The following SMURF2 variants were observed in gnomAD, a reference collection of about 807,000 sequenced individuals.
The protein encoded by SMURF2 is SMAD specific E3 ubiquitin protein ligase 2, also known as E3 ubiquitin-protein ligase SMURF2.
A neutral mutation model predicts 109.6 loss-of-function variants in SMURF2; 48 were observed. That is an observed-to-expected ratio of 0.44 (90% CI 0.35 to 0.56). The LOEUF (loss-of-function observed/expected upper bound fraction) is 0.56, where lower values mean the gene tolerates loss of function less well. Among genes scored for constraint, SMURF2 ranks in the 20% least tolerant of loss-of-function variants. SMURF2 has a pLI of 0.01. For synonymous variants in SMURF2, 288 were observed against 317.1 expected (o/e 0.91, Z 0.97); for missense variants, 575 against 909.0 (o/e 0.63, Z 4.72).
At chr17:64,621,367 G>GT (rs1555690581) in intron 1 of SMURF2, among the ~76,000 whole-genome samples, 2 of 151,038 alleles carry the variant, frequency 1.3e-5, no homozygotes. Context: ...ATCACCTGAG[G>GT]TCAGGAGTTT....
Position 64,586,218 on chromosome 17 carries a change from C to T in SMURF2, c.401-48G>A, listed in dbSNP as rs148899215. 9,791 of 1,219,468 alleles carry T rather than the reference C, an allele frequency of 8.0e-3. 105 individuals are homozygous for T. Among genetic ancestry groups the T allele is most frequent in the Middle Eastern group, 0.018 (64 of 3,508 alleles). The allele number at this position is 1,219,468 out of a possible 1,614,324, so 75.5% of individuals were successfully genotyped here. A position where few individuals can be genotyped will look rare whatever the true frequency, so the allele number is the denominator to read the frequency against. On this transcript the variant is annotated intron_variant, in intron 5 of 18. Coordinates refer to ENST00000262435, the MANE Select transcript of SMURF2 (RefSeq NM_022739.4). ...CTAAGATTCATACAACTAGAAAGAACTATTATAATCTAAAATTTCTATCTT... is the reference window on the plus strand; with the variant it reads ...CTAAGATTCATACAACTAGAAAGAATTATTATAATCTAAAATTTCTATCTT...
chr17:64,626,006 G>A (rs1230654670), intron 1 of SMURF2, among the ~76,000 whole-genome samples: 2 of 152,118 alleles, frequency 1.3e-5, no homozygotes, highest in Non-Finnish European at 2.9e-5. Context: ...GGGCCTGGTG[G>A]CTTATGCCTA....
chr17:64,639,193 C>T (rs1228357954), intron 1 of SMURF2, among the ~76,000 whole-genome samples: 1 of 152,124 alleles, frequency 6.6e-6, no homozygotes, highest in Admixed American at 6.5e-5. Context: ...TTTTCTCATT[C>T]ATATATTATA....
In SMURF2 at chr17:64,571,512, TCTC is replaced by T. The variant is rs375327247; in HGVS notation, c.1016+283_1016+285del. On this transcript the variant is annotated intron_variant, in intron 10 of 18. Transcript: ENST00000262435. ...CCTCAAACTCCTGGGCTCAGGCGAT[TCTC>T]CTGCCTCAGTTTCCCAAGTAGCTAG... 1.4e-3 allele frequency among the ~76,000 whole-genome samples: 209 copies of T among 152,208 alleles called. 2 individuals carry two copies. Among genetic ancestry groups the T allele is most frequent in the African/African-American group, 4.7e-3 (197 of 41,508 alleles).
chr17:64,569,258 G>A (rs1341204088), intron 10 of SMURF2, among the ~76,000 whole-genome samples: 2 of 150,698 alleles, frequency 1.3e-5, no homozygotes, highest in African/African-American at 2.5e-5. Flanking sequence ...CTGAGATCAC[G>A]CCATTGTACT....
At chr17:64,591,613 C>A (rs146425206) in intron 4 of SMURF2, among the ~76,000 whole-genome samples, 2 of 152,332 alleles carry the variant, frequency 1.3e-5, no homozygotes, top group African/African-American at 4.8e-5. Flanking sequence ...GGGTTTGCAT[C>A]AGTTCTGTCA....
chr17:64,653,382 C>T (rs1970663499), intron 1 of SMURF2, among the ~76,000 whole-genome samples: 1 of 151,686 alleles, frequency 6.6e-6, no homozygotes, highest in Non-Finnish European at 1.5e-5. Flanking sequence ...AAATCAAAGA[C>T]AGTATCAAGT....
intron 1 of SMURF2, among the ~76,000 whole-genome samples, chr17:64,617,205 A>C (rs1251992338): frequency 6.6e-6 from 1 of 152,086 alleles, no homozygotes; most frequent in Non-Finnish European, 1.5e-5. Flanking sequence ...TCCTCTTTCA[A>C]CAGATATAGT....
At chr17:64,579,767 G>A (rs1448630245) in intron 8 of SMURF2, among the ~76,000 whole-genome samples, 1 of 152,134 alleles carries the variant, frequency 6.6e-6, no homozygotes, top group African/African-American at 2.4e-5. Flanking sequence ...TTCCTCTATA[G>A]AGGATAAAAT....
intron 1 of SMURF2, among the ~76,000 whole-genome samples, chr17:64,635,803 A>T (rs1324766118): frequency 1.3e-5 from 2 of 152,194 alleles, no homozygotes; most frequent in African/African-American, 4.8e-5. Context: ...ATTTTGTGTG[A>T]ACATATGTTT....
At chr17:64,654,685 C>T (rs1045322455) in intron 1 of SMURF2, among the ~76,000 whole-genome samples, 22 of 151,916 alleles carry the variant, frequency 1.4e-4, no homozygotes, top group African/African-American at 4.1e-4. Context: ...CAGAATTAGC[C>T]GGGCGCGGTG....
At position 64,606,594 on chromosome 17, in the gene SMURF2, T is replaced by A; in HGVS notation, c.91+8A>T. 7 of 1,536,356 alleles carry A rather than the reference T, an allele frequency of 4.6e-6. No individual in the cohort carries two copies. The highest frequency in any genetic ancestry group is 5.3e-6 in the Non-Finnish European group (6 of 1,131,868). On this transcript the variant is annotated splice_region_variant and intron_variant, in intron 2 of 18. Coordinates refer to ENST00000262435, the MANE Select transcript of SMURF2 (RefSeq NM_022739.4). ...ACAATACACAAGATTTAAAGTTAAT[T>A]TACTTACGGAAAAAATCCTTTTTCA...
At chr17:64,566,573 T>TTTTTTTTTTTTTTG (rs1568176821) in intron 10 of SMURF2, among the ~76,000 whole-genome samples, 2 of 100,908 alleles carry the variant, frequency 2.0e-5, no homozygotes, top group Non-Finnish European at 4.1e-5. Flanking sequence ...TTTTTTTTTT[T>TTTTTTTTTTTTTTG]TTTTTTTTTT....
intron 1 of SMURF2, among the ~76,000 whole-genome samples, chr17:64,607,350 G>A (rs1488489489): frequency 2.0e-5 from 3 of 152,026 alleles, no homozygotes; most frequent in African/African-American, 4.8e-5. Flanking sequence ...AATTTTGGCC[G>A]GGCGCAGTGG....
At chr17:64,609,604 C>T (rs62073214) in intron 1 of SMURF2, among the ~76,000 whole-genome samples, 1 of 149,214 alleles carries the variant, frequency 6.7e-6, no homozygotes, top group Admixed American at 6.6e-5. Context: ...CTTCCTTACA[C>T]CTTATACAAA....
intron 1 of SMURF2, among the ~76,000 whole-genome samples, chr17:64,657,749 G>A (rs1334009141): frequency 6.6e-6 from 1 of 151,052 alleles, no homozygotes; most frequent in African/African-American, 2.4e-5. Flanking sequence ...TAAAAATCTT[G>A]TATGCCTAAG....
chr17:64,649,179 A>C (rs1555693256), intron 1 of SMURF2, among the ~76,000 whole-genome samples: 1 of 152,220 alleles, frequency 6.6e-6, no homozygotes, highest in African/African-American at 2.4e-5. Flanking sequence ...TACACATTGG[A>C]GTCAAATTTT....
At chr17:64,661,703 C>A in intron 1 of SMURF2, 126 bp downstream of exon 1, 1 of 568,756 alleles carries the variant, frequency 1.8e-6, no homozygotes. Context: ...CTGAACTAGG[C>A]CTTCCCATTC....
rs546066134 is a variant in SMURF2, at chr17:64,638,721, T to C, written c.52+23108A>G. Among the ~76,000 whole-genome samples the C allele has an allele frequency of 2.6e-5, 4 of 152,316 alleles. No homozygotes were observed. In the South Asian group the frequency reaches 8.3e-4, roughly 32 times the overall value. On this transcript the variant is annotated intron_variant, in intron 1 of 18. Coordinates refer to ENST00000262435, the MANE Select transcript of SMURF2 (RefSeq NM_022739.4). Reference sequence around the variant, plus strand: ...CACACACTTTGGGTGCCAGATGCCATAGGACACATTCATATTGCTAGACAA... The same window carrying C: ...CACACACTTTGGGTGCCAGATGCCACAGGACACATTCATATTGCTAGACAA...
Sources: gnomAD v4.1 joint callset for allele counts (sites outside exome capture counted in the v4.1 genomes callset) on GRCh38, gnomAD v4.1.1 for gene constraint, MANE v1.5 for transcripts, NCBI Gene and HGNC (gene_info 2026-07-23, HGNC 2026-07-21) for gene names.